Variants in C8A observed in about 807,000 individuals in gnomAD.
The protein encoded by C8A is complement component C8 alpha chain.
A neutral mutation model predicts 65.3 loss-of-function variants in C8A; 67 were observed. The observed-to-expected ratio is 1.03, with a 90% CI of 0.84 to 1.26. The LOEUF is 1.26. C8A is among the 50% of genes most tolerant of loss of function. The pLI, the probability that C8A is intolerant of heterozygous loss-of-function variation, is 0.00. For missense variants in C8A, 781 were observed against 723.9 expected (o/e 1.08, Z -0.90); for synonymous variants, 290 against 259.4 (o/e 1.12, Z -1.13).
intron 3 of C8A, among the ~76,000 whole-genome samples, chr1:56,875,695 A>G (rs1644191595): frequency 6.6e-6 from 1 of 152,122 alleles, no homozygotes; most frequent in African/African-American, 2.4e-5. Flanking sequence ...CTTTTGGAAG[A>G]GAGGTAGGTG....
At chr1:56,883,234 TGTG>T (rs1644261940) in intron 5 of C8A, among the ~76,000 whole-genome samples, 1 of 152,058 alleles carries the variant, frequency 6.6e-6, no homozygotes. Flanking sequence ...TGTGTGTGTG[TGTG>T]TGTGTGTGTG....
chr1:56,905,810 A>G (rs1374563931), intron 7 of C8A, among the ~76,000 whole-genome samples: 7 of 152,244 alleles, frequency 4.6e-5, no homozygotes. Context: ...GAAAAGGTTG[A>G]ACTCTGTAGC....
chr1:56,917,841 C>A lies in C8A; in HGVS notation c.*125C>A. 1.7e-6 allele frequency: 2 copies of A among 1,188,572 alleles called. No individual in the cohort carries two copies. The highest frequency in any genetic ancestry group is 2.4e-6 in the Non-Finnish European group (2 of 826,532). The allele number at this position is 1,188,572 out of a possible 1,614,324, so 73.6% of individuals were successfully genotyped here. ...CACACTTTTTTCTTTGTTCTGCCAG[C>A]TTCCAGGCCTAAGACTAGGTTTTGC... On this transcript the variant is annotated 3_prime_UTR_variant, in exon 11 of 11. Transcript: ENST00000361249.
chr1:56,891,201 C>T (rs749611137), intron 7 of C8A, among the ~76,000 whole-genome samples: 1 of 151,950 alleles, frequency 6.6e-6, no homozygotes, highest in Non-Finnish European at 1.5e-5. Flanking sequence ...TAAGGAGATG[C>T]CAAAGACAAG....
intron 8 of C8A, among the ~76,000 whole-genome samples, chr1:56,907,007 C>T (rs560904572): frequency 8.5e-5 from 13 of 152,148 alleles, no homozygotes; most frequent in Admixed American, 8.5e-4. Context: ...TACCTTTATA[C>T]GGGGCACCCT....
At chr1:56,883,043 A>G (rs1242205919) in intron 5 of C8A, among the ~76,000 whole-genome samples, 1 of 151,704 alleles carries the variant, frequency 6.6e-6, no homozygotes, top group East Asian at 1.9e-4. Context: ...CCACTGCCTA[A>G]GACAATCCAA....
chr1:56,909,558 TAGGC>T (rs1309741383), intron 9 of C8A, among the ~76,000 whole-genome samples: 1 of 152,192 alleles, frequency 6.6e-6, no homozygotes, highest in Non-Finnish European at 1.5e-5. Context: ...TAAACTTTCA[TAGGC>T]AAGAGGTGAA....
At chr1:56,882,774 C>G (rs1057098621) in intron 5 of C8A, among the ~76,000 whole-genome samples, 7 of 152,122 alleles carry the variant, frequency 4.6e-5, no homozygotes. Flanking sequence ...GGACTAAGTG[C>G]TTTGGGAACA....
intron 7 of C8A, among the ~76,000 whole-genome samples, chr1:56,900,127 G>T (rs1264286550): frequency 6.6e-6 from 1 of 152,154 alleles, no homozygotes; most frequent in Non-Finnish European, 1.5e-5. Flanking sequence ...AAGCTTCTTT[G>T]TAGAATGAGG....
intron 1 of C8A, among the ~76,000 whole-genome samples, chr1:56,856,040 CAA>C (rs1259150406): frequency 1.3e-5 from 2 of 151,810 alleles, no homozygotes; most frequent in Admixed American, 1.3e-4. Context: ...TGAAAATGAA[CAA>C]AGAGTCTTGA....
chr1:56,857,538 T>C (rs1468755084), intron 1 of C8A, among the ~76,000 whole-genome samples: 1 of 152,076 alleles, frequency 6.6e-6, no homozygotes, highest in African/African-American at 2.4e-5. Flanking sequence ...AAAAATATAA[T>C]TCATGTGAAC....
intron 7 of C8A, among the ~76,000 whole-genome samples, chr1:56,889,566 C>T (rs1310014882): frequency 6.6e-6 from 1 of 152,060 alleles, no homozygotes; most frequent in Admixed American, 6.6e-5. Context: ...GTCTTTTTCT[C>T]TCTCTATGTA....
intron 7 of C8A, among the ~76,000 whole-genome samples, chr1:56,903,346 C>T (rs1007098084): frequency 6.0e-4 from 92 of 152,118 alleles, no homozygotes; most frequent in Non-Finnish European, 1.2e-3. Context: ...CTTGGCACTT[C>T]TTCTTGGTGC....
rs530776774 is a variant in C8A, at chr1:56,917,690, C to T, written c.1729C>T (p.Arg577Trp). ...PQNGGASCPG[R>W]KVQTQAC ...GAATGGAGGGGCCTCGTGTCCAGGG[C>T]GGAAAGTACAGACGCAGGCTTGCTG... The change falls in exon 11 of 11, where the codon CGG becomes TGG. Residue 577 changes from arginine (R) to tryptophan (W), a missense_variant. Physicochemically the swap from Arg to Trp is moderately radical, Grantham distance 101. Transcript: ENST00000361249. 3.7e-5 allele frequency: 60 copies of T among 1,614,148 alleles called. No homozygotes were observed. The highest frequency in any genetic ancestry group is 3.3e-4 in the South Asian group (30 of 91,078).
At chr1:56,914,430 A>G (rs1453063968) in intron 10 of C8A, among the ~76,000 whole-genome samples, 1 of 152,186 alleles carries the variant, frequency 6.6e-6, no homozygotes, top group African/African-American at 2.4e-5. Flanking sequence ...AGGGATAGCA[A>G]CATGGTGAGC....
intron 6 of C8A, among the ~76,000 whole-genome samples, chr1:56,884,268 G>A (rs1047876173): frequency 2.0e-5 from 3 of 152,032 alleles, no homozygotes; most frequent in Admixed American, 2.0e-4. Flanking sequence ...GCATGTGCGA[G>A]GGCCTGGAGA....
chr1:56,894,652 A>G (rs1460966217), intron 7 of C8A, among the ~76,000 whole-genome samples: 1 of 152,184 alleles, frequency 6.6e-6, no homozygotes, highest in East Asian at 1.9e-4. Context: ...AATGCCAATT[A>G]TAGCTCTACA....
chr1:56,866,711 G>A (rs1644091783), intron 1 of C8A, among the ~76,000 whole-genome samples: 1 of 152,206 alleles, frequency 6.6e-6, no homozygotes, highest in African/African-American at 2.4e-5. Flanking sequence ...CTTTGAAGTT[G>A]TAGCAGTGGT....
chr1:56,884,309 A>G (rs1644272609), intron 6 of C8A, among the ~76,000 whole-genome samples: 1 of 152,108 alleles, frequency 6.6e-6, no homozygotes, highest in Non-Finnish European at 1.5e-5. Context: ...TTGGGATTGA[A>G]AGTACTTCAG....
Sources: allele counts gnomAD v4.1 joint callset (sites outside exome capture counted in the v4.1 genomes callset), GRCh38; gene constraint gnomAD v4.1.1; transcripts MANE v1.5; gene names NCBI Gene and HGNC (gene_info 2026-07-23, HGNC 2026-07-21).